Variants in GAN observed in about 807,000 individuals in gnomAD.
GAN encodes epididymis secretory sperm binding protein.
In GAN, 48 loss-of-function variants were observed where a neutral mutation model predicts 71.3. The observed-to-expected ratio is 0.67, with a 90% CI of 0.53 to 0.86. The LOEUF (loss-of-function observed/expected upper bound fraction) is 0.86. GAN is among the 40% of genes least tolerant of loss of function. The pLI, the probability that GAN is intolerant of heterozygous loss-of-function variation, is 0.00. For missense variants in GAN, 928 were observed against 770.1 expected, an observed-to-expected ratio of 1.21 and a Z score of -2.43; for synonymous variants, 386 against 276.8, an observed-to-expected ratio of 1.39 and a Z score of -3.92.
intron 9 of GAN, among the ~76,000 whole-genome samples, chr16:81,367,066 G>A (rs948551761): frequency 5.3e-5 from 8 of 151,896 alleles, no homozygotes; most frequent in African/African-American, 1.9e-4. Context: ...TTAATGATCC[G>A]CCCGCCTCAG....
Position 81,319,186 on chromosome 16 carries a change from A to T in GAN, c.167+3906A>T, listed in dbSNP as rs922758827. On this transcript the variant is annotated intron_variant, in intron 1 of 10. Transcript: ENST00000648994. ...TGACAGAGACCCTGTCTCTTAAATTAAAAAAAAAATAGATATAGATTATAT... is the reference window on the plus strand; with the variant it reads ...TGACAGAGACCCTGTCTCTTAAATTTAAAAAAAAATAGATATAGATTATAT... Among the ~76,000 whole-genome samples, 13 of 123,254 alleles carry T rather than the reference A, an allele frequency of 1.1e-4. No individual in the cohort carries two copies. The East Asian group carries it at 2.0e-3, about 19-fold the overall frequency. The allele number at this position is 123,254 out of a possible 152,430, so 80.9% of individuals were successfully genotyped here. A position where few individuals can be genotyped will look rare whatever the true frequency, so the allele number is the denominator to read the frequency against.
At chr16:81,340,192 G>C (rs2150677251) in intron 1 of GAN, among the ~76,000 whole-genome samples, 1 of 152,240 alleles carries the variant, frequency 6.6e-6, no homozygotes, top group East Asian at 1.9e-4. Context: ...TCTCACCTCA[G>C]CCTTACAAAG....
rs1904350301 is a variant in GAN at position 81,384,716 on chromosome 16, G to A, written c.*7120G>A. ...TTGGCAGAACTATATAGAGTTGGAT[G>A]ATACTGAAAATCATGAATGATGTGA... On this transcript the variant is annotated 3_prime_UTR_variant, in exon 11 of 11. Coordinates refer to ENST00000648994, the MANE Select transcript of GAN (RefSeq NM_022041.4). 2 of 152,200 alleles carry A rather than the reference G, an allele frequency of 1.3e-5. No individual in the cohort carries two copies. The highest frequency in any genetic ancestry group is 4.1e-4 in the South Asian group (2 of 4,826). The allele number at this position is 152,200 out of a possible 1,614,324, so 9.4% of individuals were successfully genotyped here. A position where few individuals can be genotyped will look rare whatever the true frequency, so the allele number is the denominator to read the frequency against.
At chr16:81,349,505 G>A (rs1052881057) in intron 1 of GAN, among the ~76,000 whole-genome samples, 1 of 152,130 alleles carries the variant, frequency 6.6e-6, no homozygotes, top group Admixed American at 6.5e-5. Context: ...TTAGCTGGGT[G>A]TGGTGGTGTG....
At chr16:81,315,703 C>A (rs1909013802) in intron 1 of GAN, among the ~76,000 whole-genome samples, 2 of 152,214 alleles carry the variant, frequency 1.3e-5, no homozygotes, top group African/African-American at 4.8e-5. Flanking sequence ...CCAGGCCGGG[C>A]CCGCGGTCCC....
Position 81,377,460 on chromosome 16 carries a change from C to A in GAN, c.1658C>A (p.Thr553Asn), listed in dbSNP as rs759200321. 9.9e-6 allele frequency: 16 copies of A among 1,613,978 alleles called. No individual in the cohort carries two copies. Among genetic ancestry groups the A allele is most frequent in the African/African-American group, 1.3e-5 (1 of 74,904 alleles). ...YVREFKRSTG[T>N]WHHTKPLLPS... Reference sequence around the variant, plus strand: ...CGTGAGTTTAAAAGAAGCACAGGAACCTGGCACCACACTAAACCACTCCTT... The same window carrying A: ...CGTGAGTTTAAAAGAAGCACAGGAAACTGGCACCACACTAAACCACTCCTT... Residue 553 changes from threonine to asparagine, a missense_variant, in exon 11 of 11, where the codon ACC becomes AAC. Coordinates refer to ENST00000648994, the MANE Select transcript of GAN (RefSeq NM_022041.4).
Position 81,380,823 on chromosome 16 carries a change from A to G in GAN, c.*3227A>G, listed in dbSNP as rs956766054. ...TTAAAAACAGTGTTTACCAACTCGT[A>G]GTTGGTATACTGTCAGGATTTGGCC... On this transcript the variant is annotated 3_prime_UTR_variant, in exon 11 of 11. Transcript: ENST00000648994. 1 of 152,164 alleles carries G rather than the reference A, an allele frequency of 6.6e-6. No individual in the cohort carries two copies. The highest frequency in any genetic ancestry group is 1.5e-5 in the Non-Finnish European group (1 of 68,026). The allele number at this position is 152,164 out of a possible 1,614,324, so 9.4% of individuals were successfully genotyped here. A position where few individuals can be genotyped will look rare whatever the true frequency, so the allele number is the denominator to read the frequency against.
At chr16:81,345,186 A>C (rs945948978) in intron 1 of GAN, among the ~76,000 whole-genome samples, 14 of 152,230 alleles carry the variant, frequency 9.2e-5, no homozygotes, top group African/African-American at 3.4e-4. Context: ...TGTGGAAGAC[A>C]GTGTGGCGAT....
rs11863508 is a variant in GAN at position 81,368,246 on chromosome 16, T to C, written c.1502+2768T>C. On this transcript the variant is annotated intron_variant, in intron 9 of 10. Coordinates refer to ENST00000648994, the MANE Select transcript of GAN (RefSeq NM_022041.4). ...CAGAATGACGGTTTCTCTATTTCTGTTCCTTGTGTCCATATTCTGTTAGTA... is the reference window on the plus strand; with the variant it reads ...CAGAATGACGGTTTCTCTATTTCTGCTCCTTGTGTCCATATTCTGTTAGTA... Among the ~76,000 whole-genome samples, 663 of 152,306 alleles carry C rather than the reference T, an allele frequency of 4.4e-3. 5 individuals are homozygous for C. Among genetic ancestry groups the C allele is most frequent in the African/African-American group, 0.015 (625 of 41,566 alleles).
intron 6 of GAN, among the ~76,000 whole-genome samples, chr16:81,362,878 G>GC (rs973688924): frequency 9.9e-5 from 15 of 152,110 alleles, no homozygotes; most frequent in Non-Finnish European, 1.6e-4. Context: ...AGCGTGGCCT[G>GC]CCCCCTCCTC....
chr16:81,378,643 C>G lies in GAN; in HGVS notation c.*1047C>G, dbSNP rs1013466147. 2 of 152,624 alleles carry G rather than the reference C, an allele frequency of 1.3e-5. No homozygotes were observed. Among genetic ancestry groups the G allele is most frequent in the Non-Finnish European group, 2.9e-5 (2 of 68,040 alleles). The allele number at this position is 152,624 out of a possible 1,614,324, so 9.5% of individuals were successfully genotyped here. ...TAGAATGCGAATCTGTGTTAAGAATCTAGTCTTTGTAATAGAAGTTTCCCA... is the reference window on the plus strand; with the variant it reads ...TAGAATGCGAATCTGTGTTAAGAATGTAGTCTTTGTAATAGAAGTTTCCCA... On this transcript the variant is annotated 3_prime_UTR_variant, in exon 11 of 11. Coordinates refer to ENST00000648994, the MANE Select transcript of GAN (RefSeq NM_022041.4).
rs532240332 is a variant in GAN, at chr16:81,390,068, A to G, written c.*12472A>G. On this transcript the variant is annotated 3_prime_UTR_variant, in exon 11 of 11. Coordinates refer to ENST00000648994, the MANE Select transcript of GAN (RefSeq NM_022041.4). ...GTCTGCTTAGACACATATTCAGTGA[A>G]GATTGTATTGTGTGTGATATTATCC... 8.5e-5 allele frequency: 13 copies of G among 152,154 alleles called. No individual in the cohort carries two copies. Among genetic ancestry groups the G allele is most frequent in the Non-Finnish European group, 1.9e-4 (13 of 68,036 alleles). The allele number at this position is 152,154 out of a possible 1,614,324, so 9.4% of individuals were successfully genotyped here.
Position 81,365,373 on chromosome 16 carries a change from T to C in GAN, c.1397T>C (p.Val466Ala). 2 of 1,613,398 alleles carry C rather than the reference T, an allele frequency of 1.2e-6. No homozygotes were observed. Among genetic ancestry groups the C allele is most frequent in the Non-Finnish European group, 1.7e-6 (2 of 1,179,880 alleles). ...ERRFGAVACG[V>A]AMELYVFGGV... is the part of the protein sequence containing the mutation. ...AGGTTTGGAGCGGTGGCCTGTGGAG[T>C]TGCTATGGAGCTGTATGTGTTTGGG... The change falls in exon 9 of 11, where the codon GTT becomes GCT. Residue 466 changes from valine (V) to alanine (A), a missense_variant. Coordinates refer to ENST00000648994, the MANE Select transcript of GAN (RefSeq NM_022041.4).
At position 81,384,399 on chromosome 16, in the gene GAN, T is replaced by A. The variant is rs1597417319; in HGVS notation, c.*6803T>A. ...CAAACTGATTACTTGAAACTCAACT[T>A]GAACTTTAAAGAGTCTTTAAAAGGC... On this transcript the variant is annotated 3_prime_UTR_variant, in exon 11 of 11. Coordinates refer to ENST00000648994, the MANE Select transcript of GAN (RefSeq NM_022041.4). 1.3e-5 allele frequency: 2 copies of A among 152,218 alleles called. No individual in the cohort carries two copies. The highest frequency in any genetic ancestry group is 4.8e-5 in the African/African-American group (2 of 41,556). The allele number at this position is 152,218 out of a possible 1,614,324, so 9.4% of individuals were successfully genotyped here. A position where few individuals can be genotyped will look rare whatever the true frequency, so the allele number is the denominator to read the frequency against.
intron 9 of GAN, among the ~76,000 whole-genome samples, chr16:81,376,507 G>GTGTGTA (rs1268354067): frequency 7.4e-6 from 1 of 134,540 alleles, no homozygotes; most frequent in Admixed American, 7.1e-5. Flanking sequence ...GTGTGTGTGT[G>GTGTGTA]TGTATGTGTG....
At chr16:81,362,473 A>G (rs770708765) in intron 5 of GAN, 26 bp from the exon 6 acceptor site, 4 of 1,211,764 alleles carry the variant, frequency 3.3e-6, no homozygotes, top group Non-Finnish European at 4.9e-6. Context: ...CACATTTCAT[A>G]TTTGTGTTTC....
chr16:81,387,190 T>C lies in GAN; in HGVS notation c.*9594T>C, dbSNP rs1343943728. The C allele has an allele frequency of 6.6e-6, 1 of 152,144 alleles. No homozygotes were observed. The highest frequency in any genetic ancestry group is 1.5e-5 in the Non-Finnish European group (1 of 68,022). The allele number at this position is 152,144 out of a possible 1,614,324, so 9.4% of individuals were successfully genotyped here. A position where few individuals can be genotyped will look rare whatever the true frequency, so the allele number is the denominator to read the frequency against. Reference sequence around the variant, plus strand: ...ATCTGCAATACTCTTCATAGTGTAATGGCTAAATGTAAAGTCTTACGTCTC... The same window carrying C: ...ATCTGCAATACTCTTCATAGTGTAACGGCTAAATGTAAAGTCTTACGTCTC... On this transcript the variant is annotated 3_prime_UTR_variant, in exon 11 of 11. Coordinates refer to ENST00000648994, the MANE Select transcript of GAN (RefSeq NM_022041.4).
At position 81,365,999 on chromosome 16, in the gene GAN, A is replaced by G. The variant is rs569038976; in HGVS notation, c.1502+521A>G. Among the ~76,000 whole-genome samples the G allele has an allele frequency of 2.0e-5, 3 of 151,762 alleles. No homozygotes were observed. In the South Asian group the frequency reaches 6.2e-4, roughly 31 times the overall value. ...TACCGAGCCACTTTCCCCTGCAAAC[A>G]TGTGTGGTTGTCTCAGCTCTGTTCG... On this transcript the variant is annotated intron_variant, in intron 9 of 10. Transcript: ENST00000648994.
chr16:81,336,650 A>AT (rs1909772536), intron 1 of GAN, among the ~76,000 whole-genome samples: 1 of 139,232 alleles, frequency 7.2e-6, no homozygotes, highest in Non-Finnish European at 1.6e-5. Context: ...TTTTTTTTTA[A>AT]TTTTCTTTGT....
Sources: allele counts gnomAD v4.1 joint callset (sites outside exome capture counted in the v4.1 genomes callset), GRCh38; gene constraint gnomAD v4.1.1; transcripts MANE v1.5; gene names NCBI Gene and HGNC (gene_info 2026-07-23, HGNC 2026-07-21).